The following SBF1 variants were observed in gnomAD, a reference collection of about 807,000 sequenced individuals.
SBF1 encodes the protein myotubularin-related protein 5.
SBF1 carries 65 observed loss-of-function variants against 215.8 expected under a neutral mutation model. The observed-to-expected ratio is 0.30, with a 90% CI of 0.25 to 0.37. The LOEUF is 0.37. SBF1 is among the 10% of genes least tolerant of loss of function. SBF1 has a pLI of 1.00. For missense variants in SBF1, 2,634 were observed against 2,667.8 expected, an observed-to-expected ratio of 0.99 and a Z score of 0.28; for synonymous variants, 1,410 against 1,122.8, an observed-to-expected ratio of 1.26 and a Z score of -5.11.
rs2068120873 is a variant in SBF1 at position 50,474,793 on chromosome 22, G to T, written c.48C>A (p.His16Gln). 1 of 1,460,932 alleles carries T rather than the reference G, an allele frequency of 6.8e-7. No homozygotes were observed. Among genetic ancestry groups the T allele is most frequent in the African/African-American group, 1.5e-5 (1 of 67,668 alleles). 90.5% of individuals were successfully genotyped at this position (1,460,932 alleles called of 1,614,324 possible). ...DYFVLVAFGPHPRGSGEGQGQ... is the reference protein window; with the variant it reads ...DYFVLVAFGPQPRGSGEGQGQ... ...CTTGGCCTCGGCACTCACCGCGCGG[G>T]TGCGGCCCGAACGCCACCAGCACGA... Residue 16 changes from histidine (H) to glutamine (Q), a missense_variant, in exon 1 of 41, where the codon CAC becomes CAA. Coordinates refer to ENST00000380817, the MANE Select transcript of SBF1 (RefSeq NM_002972.4).
rs1048835538 is a variant in SBF1 at position 50,456,527 on chromosome 22, C to T, written c.4051G>A (p.Ala1351Thr). Residue 1351 changes from alanine to threonine, a missense_variant, in exon 30 of 41, where the codon GCC (alanine) becomes ACC (threonine). Ala to Thr is a moderately conservative substitution (Grantham distance 58). Transcript: ENST00000380817. ...GCTTTGTCCCCAAGGATATAGAGGGCTGCTCGCTGCGGACGCAGGAAGCCC... is the reference window on the plus strand; with the variant it reads ...GCTTTGTCCCCAAGGATATAGAGGGTTGCTCGCTGCGGACGCAGGAAGCCC... ...DPGFLRPQRA[A>T]LYILGDKAQL... is the part of the protein sequence containing the mutation. 13 of 1,394,502 alleles carry T rather than the reference C, an allele frequency of 9.3e-6. No homozygotes were observed. The highest frequency in any genetic ancestry group is 1.2e-5 in the Non-Finnish European group (13 of 1,047,270). The allele number at this position is 1,394,502 out of a possible 1,614,324, so 86.4% of individuals were successfully genotyped here.
rs1240598142 is a variant in SBF1 at position 50,466,819 on chromosome 22, T to C, written c.550-109A>G. 4.2e-6 allele frequency: 3 copies of C among 714,712 alleles called. No individual in the cohort carries two copies. The African/African-American group carries it at 5.4e-5, about 13-fold the overall frequency. The allele number at this position is 714,712 out of a possible 1,614,324, so 44.3% of individuals were successfully genotyped here. Reference sequence around the variant, plus strand: ...CCCTGGTGTACTGACAGACCCGAGGTGGGACTGGCTGGGATGGGCAACATG... The same window carrying C: ...CCCTGGTGTACTGACAGACCCGAGGCGGGACTGGCTGGGATGGGCAACATG... On this transcript the variant is annotated intron_variant, in intron 5 of 40. Transcript: ENST00000380817.
intron 23 of SBF1, 36 bp from the exon 24 acceptor site, chr22:50,460,748 G>A: frequency 6.3e-7 from 1 of 1,594,376 alleles, no homozygotes; most frequent in South Asian, 1.1e-5. Context: ...GGGTGTGGGT[G>A]GCCCCCCAGC....
rs1285200066 is a variant in SBF1, at chr22:50,474,942, C to CCCCG, written c.-106_-103dup. The CCCCG allele has an allele frequency of 1.3e-6, 1 of 787,702 alleles. No homozygotes were observed. The highest frequency in any genetic ancestry group is 1.7e-6 in the Non-Finnish European group (1 of 593,598). The allele number at this position is 787,702 out of a possible 1,614,324, so 48.8% of individuals were successfully genotyped here. A position where few individuals can be genotyped will look rare whatever the true frequency, so the allele number is the denominator to read the frequency against. ...CCCGGCCCCGGCCCTGGACCGCGCA[C>CCCCG]CCCGGACACCCCTGGTTCGCTCCGC... On this transcript the variant is annotated 5_prime_UTR_variant, in exon 1 of 41. The change abolishes the stop of an existing upstream ORF in the 5' untranslated region. Coordinates refer to ENST00000380817, the MANE Select transcript of SBF1 (RefSeq NM_002972.4).
chr22:50,466,587 T>C lies in SBF1; in HGVS notation c.655+18A>G. Reference sequence around the variant, plus strand: ...TCCCCGAGGGGAAGCCATGCGGGGGTGGGACAGACAGGCTCACCTAGCTGG... The same window carrying C: ...TCCCCGAGGGGAAGCCATGCGGGGGCGGGACAGACAGGCTCACCTAGCTGG... On this transcript the variant is annotated intron_variant, in intron 6 of 40. Coordinates refer to ENST00000380817, the MANE Select transcript of SBF1 (RefSeq NM_002972.4). 1 of 1,541,330 alleles carries C rather than the reference T, an allele frequency of 6.5e-7. No individual in the cohort carries two copies. The highest frequency in any genetic ancestry group is 8.8e-7 in the Non-Finnish European group (1 of 1,140,728).
At position 50,454,564 on chromosome 22, in the gene SBF1, C is replaced by G; in HGVS notation, c.4991G>C (p.Cys1664Ser). The G allele has an allele frequency of 6.2e-7, 1 of 1,611,900 alleles. No homozygotes were observed. The change falls in exon 36 of 41, where the codon TGT (cysteine) becomes TCT (serine). Residue 1664 changes from cysteine to serine, a missense_variant. Physicochemically the swap from Cys to Ser is moderately radical, Grantham distance 112. Transcript: ENST00000380817. Reference protein sequence around the residue: ...PQSRRRVVWPCYDSCPRAQPD... With the variant: ...PQSRRRVVWPSYDSCPRAQPD... ...CTGGGCCCGCGGGCAGCTGTCGTAA[C>G]AGGGCCACACCACGCGGCGCCTGCT...
At chr22:50,467,297 G>A (rs1016073560) in intron 5 of SBF1, 41 bp downstream of exon 5, 2 of 1,532,758 alleles carry the variant, frequency 1.3e-6, no homozygotes, top group Non-Finnish European at 1.8e-6. Context: ...CCAGCAGGAG[G>A]GCCTGTGGCT....
At chr22:50,473,143 G>A (rs1038530909) in intron 1 of SBF1, among the ~76,000 whole-genome samples, 2 of 151,998 alleles carry the variant, frequency 1.3e-5, no homozygotes, top group Admixed American at 6.5e-5. Context: ...CTCACCCCAC[G>A]GCCACCACGC....
chr22:50,456,453 G>GGCCCCC, intron 30 of SBF1, 39 bp downstream of exon 30: 31 of 1,519,884 alleles, frequency 2.0e-5, no homozygotes, highest in East Asian at 9.8e-5. Context: ...CCCCTGCCGA[G>GGCCCCC]CCCCCACCCT....
Position 50,454,850 on chromosome 22 carries a change from C to T in SBF1, c.4776G>A (p.Val1592=), listed in dbSNP as rs1203870949. Residue 1592 remains valine (V), a synonymous_variant, in exon 35 of 41, where the codon GTG becomes GTA. Coordinates refer to ENST00000380817, the MANE Select transcript of SBF1 (RefSeq NM_002972.4). ...YVDRLSKRTP[V]FHNYMYAPED... ...CGGGCGCATACATGTAATTGTGGAA[C>T]ACAGGCGTCCTCTTGCTCAGCCGGT... 1 of 1,614,074 alleles carries T rather than the reference C, an allele frequency of 6.2e-7. No homozygotes were observed. Among genetic ancestry groups the T allele is most frequent in the Non-Finnish European group, 8.5e-7 (1 of 1,180,000 alleles).
Position 50,447,110 on chromosome 22 carries a change from G to A in SBF1, c.*32C>T, listed in dbSNP as rs369968062. 3.1e-5 allele frequency: 49 copies of A among 1,587,552 alleles called. No homozygotes were observed. The highest frequency in any genetic ancestry group is 6.7e-5 in the African/African-American group (5 of 74,360). On this transcript the variant is annotated 3_prime_UTR_variant, in exon 41 of 41. Coordinates refer to ENST00000380817, the MANE Select transcript of SBF1 (RefSeq NM_002972.4). The stretch of plus-strand genomic sequence containing the variant: ...CCACCCCTAGTGGTCGGTAACGACC[G>A]GAAGCAGAGCAGCCGGGCAGGGCTG...
At position 50,446,362 on chromosome 22, in the gene SBF1, C is replaced by A. The variant is rs369590663; in HGVS notation, c.*780G>T. 25 of 102,460 alleles carry A rather than the reference C, an allele frequency of 2.4e-4. 1 individual carries two copies. The highest frequency in any genetic ancestry group is 8.2e-4 in the Admixed American group (10 of 12,130). 6.3% of individuals were successfully genotyped at this position (102,460 alleles called of 1,614,324 possible). A position where few individuals can be genotyped will look rare whatever the true frequency, so the allele number is the denominator to read the frequency against. On this transcript the variant is annotated 3_prime_UTR_variant, in exon 41 of 41. Transcript: ENST00000380817. ...TTCCCCTGGGAGCCCACTGTCCCCC[C>A]CCCCCCCCCGCCTCCGGCCTCCATC...
Position 50,462,392 on chromosome 22 carries a change from G to C in SBF1, c.2209C>G (p.Leu737Val), listed in dbSNP as rs1181565248. 3 of 1,613,980 alleles carry C rather than the reference G, an allele frequency of 1.9e-6. No individual in the cohort carries two copies. The highest frequency in any genetic ancestry group is 2.7e-5 in the African/African-American group (2 of 74,938). ...ASEQRRLWPT[L>V]SREKQQELVQ... is the part of the protein sequence containing the mutation. ...AGCTCCTGCTGCTTCTCACGACTCA[G>C]AGTTGGCCACAAGCGCCGCTGCTCA... is the stretch of plus-strand genomic sequence containing the variant. The change falls in exon 19 of 41, where the codon CTG becomes GTG. Residue 737 changes from leucine (L) to valine (V), a missense_variant. Transcript: ENST00000380817.
intron 1 of SBF1, among the ~76,000 whole-genome samples, chr22:50,474,411 GGA>G (rs2068100841): frequency 6.6e-6 from 1 of 152,224 alleles, no homozygotes; most frequent in Admixed American, 6.5e-5. Flanking sequence ...AGCTGGCCAA[GGA>G]GAGAGCCCGT....
rs576450939 is a variant in SBF1, at chr22:50,457,934, G to A, written c.3827-823C>T. Among the ~76,000 whole-genome samples, 13 of 152,308 alleles carry A rather than the reference G, an allele frequency of 8.5e-5. No individual in the cohort carries two copies. The East Asian group carries it at 9.7e-4, about 11-fold the overall frequency. On this transcript the variant is annotated intron_variant, in intron 28 of 40. Coordinates refer to ENST00000380817, the MANE Select transcript of SBF1 (RefSeq NM_002972.4). ...CTCTGACGGCTGCCACACTGCAGGCGCCCAGCTCACAGTGAGGACGCAGCA... is the reference window on the plus strand; with the variant it reads ...CTCTGACGGCTGCCACACTGCAGGCACCCAGCTCACAGTGAGGACGCAGCA...
At chr22:50,473,805 C>T in intron 1 of SBF1, among the ~76,000 whole-genome samples, 1 of 152,214 alleles carries the variant, frequency 6.6e-6, no homozygotes, top group East Asian at 1.9e-4. Flanking sequence ...CAGTCTGCAG[C>T]TGGGATCTGA....
At chr22:50,472,452 T>C (rs577933174) in intron 1 of SBF1, among the ~76,000 whole-genome samples, 4 of 152,296 alleles carry the variant, frequency 2.6e-5, no homozygotes, top group Non-Finnish European at 4.4e-5. Context: ...GAGGATCCTC[T>C]ACCCACTCAG....
In SBF1 at chr22:50,474,969, G is replaced by A. The variant is rs756156798; in HGVS notation, c.-129C>T. 5 of 144,142 alleles carry A rather than the reference G, an allele frequency of 3.5e-5. No individual in the cohort carries two copies. The South Asian group carries it at 7.5e-4, about 22-fold the overall frequency. The allele number at this position is 144,142 out of a possible 1,614,324, so 8.9% of individuals were successfully genotyped here. On this transcript the variant is annotated 5_prime_UTR_variant, in exon 1 of 41. Coordinates refer to ENST00000380817, the MANE Select transcript of SBF1 (RefSeq NM_002972.4). ...CCGGACACCCCTGGTTCGCTCCGCG[G>A]CGGCGGCGGCGGCGGCGGCGGCGGC...
At chr22:50,474,686 T>G in intron 1 of SBF1, 100 bp downstream of exon 1, 4 of 519,342 alleles carry the variant, frequency 7.7e-6, no homozygotes, top group Non-Finnish European at 1.1e-5. Context: ...CCCCCAGCCC[T>G]CGGCCCCCAG....
Sources: allele counts gnomAD v4.1 joint callset (sites outside exome capture counted in the v4.1 genomes callset), GRCh38; gene constraint gnomAD v4.1.1; transcripts MANE v1.5; gene names NCBI Gene and HGNC (gene_info 2026-07-23, HGNC 2026-07-21).